IQGAP1: variants seen among roughly 807,000 people sequenced by gnomAD.
IQGAP1 encodes the protein ras GTPase-activating-like protein IQGAP1.
A neutral mutation model predicts 215.6 loss-of-function variants in IQGAP1; 66 were observed. That is an observed-to-expected ratio of 0.31 (90% CI 0.25 to 0.38). IQGAP1 has a LOEUF of 0.38. Ranked by LOEUF, IQGAP1 falls within the 10% of genes least tolerant of loss-of-function variation. IQGAP1 has a pLI of 1.00. For missense variants in IQGAP1, 1,712 were observed against 1,997.1 expected, an observed-to-expected ratio of 0.86 and a Z score of 2.72; for synonymous variants, 772 against 728.7, an observed-to-expected ratio of 1.06 and a Z score of -0.96.
At chr15:90,412,195 A>G (rs1964976388) in intron 2 of IQGAP1, among the ~76,000 whole-genome samples, 1 of 152,340 alleles carries the variant, frequency 6.6e-6, no homozygotes, top group East Asian at 1.9e-4. Context: ...ACTTGAAGCA[A>G]AAACATTTCC....
chr15:90,446,244 T>A (rs1192650677), intron 9 of IQGAP1, among the ~76,000 whole-genome samples: 1 of 152,232 alleles, frequency 6.6e-6, no homozygotes, highest in Non-Finnish European at 1.5e-5. Flanking sequence ...AGTTTTACCT[T>A]GCTAATTGTA....
At chr15:90,390,961 CAG>C in intron 2 of IQGAP1, 88 bp downstream of exon 2, 2 of 871,400 alleles carry the variant, frequency 2.3e-6, no homozygotes, top group Non-Finnish European at 3.9e-6. Context: ...AGGCTGAACA[CAG>C]TGGTCCATGC....
chr15:90,413,859 G>A (rs889010487), intron 2 of IQGAP1, among the ~76,000 whole-genome samples: 11 of 152,084 alleles, frequency 7.2e-5, no homozygotes, highest in African/African-American at 4.8e-5. Flanking sequence ...AGAAGTTAGC[G>A]GGTAACATGT....
chr15:90,483,409 G>A lies in IQGAP1; in HGVS notation c.3604G>A (p.Ala1202Thr). ...TCGATACATGAATCCAGCCATTGTT[G>A]CTCCTGATGCCTTTGACATCATTGA... ...YYRYMNPAIV[A>T]PDAFDIIDLS... Residue 1202 changes from alanine to threonine, a missense_variant, in exon 29 of 38, where the codon GCT (alanine) becomes ACT (threonine). Coordinates refer to ENST00000268182, the MANE Select transcript of IQGAP1 (RefSeq NM_003870.4). 1 of 1,614,066 alleles carries A rather than the reference G, an allele frequency of 6.2e-7. No individual in the cohort carries two copies. The highest frequency in any genetic ancestry group is 8.5e-7 in the Non-Finnish European group (1 of 1,180,014).
In IQGAP1 at chr15:90,395,435, C is replaced by T. The variant is rs533229510; in HGVS notation, c.155+4562C>T. On this transcript the variant is annotated intron_variant, in intron 2 of 37. Transcript: ENST00000268182. The stretch of plus-strand genomic sequence containing the variant: ...TCCCAGGTTAACGCCATTCTCCTGG[C>T]TCAGCCTCCCGAGTAGCTGGGACTA... 2.6e-5 allele frequency among the ~76,000 whole-genome samples: 4 copies of T among 152,218 alleles called. No individual in the cohort carries two copies. In the East Asian group the frequency reaches 7.7e-4, roughly 29 times the overall value.
In IQGAP1 at chr15:90,492,171, A is replaced by G. The variant is rs1966214472; in HGVS notation, c.4462-374A>G. Among the ~76,000 whole-genome samples, 3 of 152,202 alleles carry G rather than the reference A, an allele frequency of 2.0e-5. No individual in the cohort carries two copies. In the South Asian group the frequency reaches 6.2e-4, roughly 31 times the overall value. ...GTGAAAACAAATTACTGCCTGTTGA[A>G]TGTATGGTTAGGTCAGGCACCGTGG... On this transcript the variant is annotated intron_variant, in intron 34 of 37. Transcript: ENST00000268182.
chr15:90,407,880 G>T (rs1429197951), intron 2 of IQGAP1, among the ~76,000 whole-genome samples: 1 of 152,202 alleles, frequency 6.6e-6, no homozygotes, highest in Non-Finnish European at 1.5e-5. Flanking sequence ...GGAGCTTACG[G>T]ATTAATTGAA....
At chr15:90,457,786 T>A (rs1965706531) in intron 15 of IQGAP1, among the ~76,000 whole-genome samples, 1 of 152,120 alleles carries the variant, frequency 6.6e-6, no homozygotes, top group Admixed American at 6.6e-5. Flanking sequence ...GTTAAAAACA[T>A]ATATGTGCAT....
intron 2 of IQGAP1, among the ~76,000 whole-genome samples, chr15:90,394,353 A>T (rs967768825): frequency 3.3e-5 from 5 of 152,122 alleles, no homozygotes; most frequent in African/African-American, 1.2e-4. Flanking sequence ...GATTTTAAAA[A>T]ATCAAGGTTG....
chr15:90,498,739 G>GTC (rs1409252972), intron 37 of IQGAP1, among the ~76,000 whole-genome samples: 1 of 151,840 alleles, frequency 6.6e-6, no homozygotes, highest in African/African-American at 2.4e-5. Flanking sequence ...CCTCCACCTC[G>GTC]TGGGTTCAAG....
intron 33 of IQGAP1, among the ~76,000 whole-genome samples, chr15:90,488,735 G>A (rs566467750): frequency 6.6e-6 from 1 of 152,270 alleles, no homozygotes; most frequent in South Asian, 2.1e-4. Flanking sequence ...AGGTGGAAAG[G>A]ATTTGGGTGT....
At chr15:90,491,116 G>A (rs1188143189) in intron 33 of IQGAP1, among the ~76,000 whole-genome samples, 1 of 152,128 alleles carries the variant, frequency 6.6e-6, no homozygotes, top group African/African-American at 2.4e-5. Context: ...GCCCAGTTGT[G>A]TGATTTTGTA....
chr15:90,461,397 C>T (rs138826123), intron 15 of IQGAP1, among the ~76,000 whole-genome samples: 33 of 152,260 alleles, frequency 2.2e-4, no homozygotes, highest in Middle Eastern at 3.4e-3. Context: ...GAGGTCTTTA[C>T]CATTTTCACT....
intron 15 of IQGAP1, among the ~76,000 whole-genome samples, chr15:90,465,359 C>T (rs777502121): frequency 3.3e-5 from 5 of 152,158 alleles, no homozygotes; most frequent in Admixed American, 1.3e-4. Context: ...TATACCCTGG[C>T]CCTTGTCACC....
At chr15:90,444,935 C>T (rs955480962) in intron 9 of IQGAP1, among the ~76,000 whole-genome samples, 12 of 152,104 alleles carry the variant, frequency 7.9e-5, no homozygotes, top group African/African-American at 2.9e-4. Context: ...CCAGCCTGGG[C>T]AATGTGGCGA....
chr15:90,407,476 GA>G (rs1246869311), intron 2 of IQGAP1, among the ~76,000 whole-genome samples: 1 of 152,138 alleles, frequency 6.6e-6, no homozygotes, highest in Non-Finnish European at 1.5e-5. Context: ...CTAGACAATG[GA>G]AATCTGCTTA....
chr15:90,443,347 C>T (rs779818905), intron 8 of IQGAP1, 47 bp from the exon 9 acceptor site: 1 of 1,251,596 alleles, frequency 8.0e-7, no homozygotes, highest in African/African-American at 1.5e-5. Flanking sequence ...ATGTGGTCTT[C>T]TTAGACACCT....
intron 26 of IQGAP1, 134 bp downstream of exon 26, chr15:90,478,023 C>G: frequency 1.5e-6 from 1 of 663,844 alleles, no homozygotes; most frequent in Non-Finnish European, 2.5e-6. Context: ...CAGAGTTTCA[C>G]TCTTGTCGTC....
At chr15:90,488,324 ACTT>A (rs1465789371) in intron 33 of IQGAP1, among the ~76,000 whole-genome samples, 2 of 152,174 alleles carry the variant, frequency 1.3e-5, no homozygotes, top group Non-Finnish European at 2.9e-5. Flanking sequence ...TCTCTAGACT[ACTT>A]ATAATACCTA....
Sources: gnomAD v4.1 joint callset for allele counts (sites outside exome capture counted in the v4.1 genomes callset) on GRCh38, gnomAD v4.1.1 for gene constraint, MANE v1.5 for transcripts, NCBI Gene and HGNC (gene_info 2026-07-23, HGNC 2026-07-21) for gene names.